Variants in DSG4 observed in about 807,000 individuals in gnomAD.
DSG4 encodes the protein desmoglein-4.
A neutral mutation model predicts 93.1 loss-of-function variants in DSG4; 87 were observed. The ratio of observed to expected loss-of-function variants is 0.93; its 90% CI spans 0.79 to 1.12. The LOEUF is 1.12. Ranked by LOEUF, DSG4 falls within the 50% of genes most tolerant of loss-of-function variation. The pLI, the probability that DSG4 is intolerant of heterozygous loss-of-function variation, is 0.00. For synonymous variants in DSG4, 432 were observed against 452.9 expected (o/e 0.95, Z 0.59); for missense variants, 1,373 against 1,285.7 (o/e 1.07, Z -1.04).
chr18:31,383,116 C>T (rs2072153380), intron 1 of DSG4, among the ~76,000 whole-genome samples: 1 of 152,204 alleles, frequency 6.6e-6, no homozygotes, highest in Non-Finnish European at 1.5e-5. Flanking sequence ...GAAGAAAACG[C>T]TTCTTTCTTT....
At chr18:31,400,705 A>T (rs1324703346) in intron 9 of DSG4, among the ~76,000 whole-genome samples, 176 bp from the exon 10 acceptor site, 2 of 152,312 alleles carry the variant, frequency 1.3e-5, no homozygotes, top group African/African-American at 4.8e-5. Flanking sequence ...CCTGTATATT[A>T]ATGTATATAT....
intron 8 of DSG4, 147 bp downstream of exon 8, chr18:31,392,487 A>G (rs1266315105): frequency 3.5e-6 from 3 of 863,718 alleles, no homozygotes; most frequent in Admixed American, 2.3e-5. Flanking sequence ...AGTAACTGCT[A>G]TGTCAGTCTG....
chr18:31,394,880 T>C (rs2072289401), intron 8 of DSG4, among the ~76,000 whole-genome samples: 1 of 152,174 alleles, frequency 6.6e-6, no homozygotes, highest in South Asian at 2.1e-4. Flanking sequence ...CTTACCTATG[T>C]TCTTATCATC....
At position 31,414,689 on chromosome 18, in the gene DSG4, G is replaced by A. The variant is rs1041111614; in HGVS notation, c.*1094G>A. On this transcript the variant is annotated 3_prime_UTR_variant, in exon 16 of 16. Coordinates refer to ENST00000308128, the MANE Select transcript of DSG4 (RefSeq NM_177986.5). ...ACCAACTACTTAAGTCCATTACCAA[G>A]TTGTGTTTCTCTTTGCAACACTACT... 1.4e-4 allele frequency: 21 copies of A among 152,136 alleles called. No individual in the cohort carries two copies. The highest frequency in any genetic ancestry group is 1.5e-5 in the Non-Finnish European group (1 of 67,998). The allele number at this position is 152,136 out of a possible 1,614,324, so 9.4% of individuals were successfully genotyped here. A position where few individuals can be genotyped will look rare whatever the true frequency, so the allele number is the denominator to read the frequency against.
At position 31,403,602 on chromosome 18, in the gene DSG4, T is replaced by C. The variant is rs7229252; in HGVS notation, c.1604T>C (p.Ile535Thr). ...TGTGTTGTTGATGAGCCACCAGGAA[T>C]AGCTGACATGTGGGATGTCAGATCA... Reference protein sequence around the residue: ...TFCVVDEPPGIADMWDVRSTN... With the variant: ...TFCVVDEPPGTADMWDVRSTN... The change falls in exon 11 of 16, where the codon ATA (isoleucine) becomes ACA (threonine). Residue 535 changes from isoleucine to threonine, a missense_variant. By Grantham distance (89) the Ile-to-Thr change is moderately conservative. Coordinates refer to ENST00000308128, the MANE Select transcript of DSG4 (RefSeq NM_177986.5). The C allele has an allele frequency of 3.7e-3, 5,917 of 1,614,036 alleles. 166 individuals are homozygous for C. In the African/African-American group the frequency reaches 0.062, roughly 17 times the overall value.
intron 1 of DSG4, among the ~76,000 whole-genome samples, chr18:31,384,420 T>C (rs1250877582): frequency 6.6e-6 from 1 of 152,140 alleles, no homozygotes; most frequent in African/African-American, 2.4e-5. Context: ...TACAGACAAG[T>C]ATGCTAGGCT....
At position 31,411,309 on chromosome 18, in the gene DSG4, G is replaced by A. The variant is rs1424462173; in HGVS notation, c.2216G>A (p.Gly739Glu). ...VSGVELNTGM[G>E]TAVGLMAAGA... ...GGAGTGGAGCTCAACACAGGTATGG[G>A]GACAGCCGTTGGCCTCATGGCCGCA... Residue 739 changes from glycine (G) to glutamate (E), a missense_variant, in exon 15 of 16, where the codon GGG (glycine) becomes GAG (glutamate). Transcript: ENST00000308128. 1.9e-6 allele frequency: 3 copies of A among 1,612,480 alleles called. No homozygotes were observed. The highest frequency in any genetic ancestry group is 2.5e-6 in the Non-Finnish European group (3 of 1,179,998).
At chr18:31,398,984 T>C (rs1043710525) in intron 8 of DSG4, among the ~76,000 whole-genome samples, 1 of 152,192 alleles carries the variant, frequency 6.6e-6, no homozygotes, top group African/African-American at 2.4e-5. Flanking sequence ...AAAATAATCG[T>C]TTTTCATTTC....
chr18:31,392,817 A>C (rs908639577), intron 8 of DSG4, among the ~76,000 whole-genome samples: 1 of 152,148 alleles, frequency 6.6e-6, no homozygotes, highest in African/African-American at 2.4e-5. Flanking sequence ...GGGTAATAAA[A>C]TAAACAAACA....
rs774355741 is a variant in DSG4, at chr18:31,399,516, A to G, written c.1250A>G (p.Asp417Gly). Residue 417 changes from aspartate to glycine, a missense_variant, in exon 9 of 16, where the codon GAC (aspartate) becomes GGC (glycine). Coordinates refer to ENST00000308128, the MANE Select transcript of DSG4 (RefSeq NM_177986.5). The part of the protein sequence containing the change: ...VLGTYTAIDL[D>G]TGNPATDVRY... The stretch of plus-strand genomic sequence containing the variant: ...GGCACATATACAGCCATAGATTTGG[A>G]CACAGGAAACCCTGCAACAGATGTC... 2 of 1,614,016 alleles carry G rather than the reference A, an allele frequency of 1.2e-6. No individual in the cohort carries two copies. The highest frequency in any genetic ancestry group is 2.2e-5 in the South Asian group (2 of 91,084).
intron 1 of DSG4, among the ~76,000 whole-genome samples, chr18:31,384,033 T>C (rs2072162703): frequency 6.6e-6 from 1 of 152,180 alleles, no homozygotes; most frequent in South Asian, 2.1e-4. Context: ...ATGACTCTGC[T>C]ACCAGAAAAA....
chr18:31,405,201 C>T (rs1057361223), intron 11 of DSG4, among the ~76,000 whole-genome samples: 8 of 152,208 alleles, frequency 5.3e-5, no homozygotes, highest in Non-Finnish European at 1.0e-4. Context: ...ATCATCTCAA[C>T]ACTCCTTGTA....
At chr18:31,409,835 C>A (rs2072467247) in intron 14 of DSG4, 27 bp downstream of exon 14, 1 of 1,613,596 alleles carries the variant, frequency 6.2e-7, no homozygotes, top group Non-Finnish European at 8.5e-7. Flanking sequence ...ATCTGTTTTT[C>A]CTTTTAAATT....
intron 8 of DSG4, 109 bp from the exon 9 acceptor site, chr18:31,399,163 G>C (rs913936354): frequency 1.4e-6 from 2 of 1,397,752 alleles, no homozygotes. Flanking sequence ...TCTAAACAGC[G>C]TATCTCCTGG....
chr18:31,388,898 C>G lies in DSG4; in HGVS notation c.397C>G (p.Arg133Gly), dbSNP rs773793326. 1.2e-6 allele frequency: 2 copies of G among 1,613,370 alleles called. No homozygotes were observed. The highest frequency in any genetic ancestry group is 1.1e-5 in the South Asian group (1 of 91,060). The change falls in exon 5 of 16, where the codon CGG becomes GGG. Residue 133 changes from arginine to glycine, a missense_variant. Physicochemically the swap from Arg to Gly is moderately radical, Grantham distance 125 (BLOSUM62 -2). Coordinates refer to ENST00000308128, the MANE Select transcript of DSG4 (RefSeq NM_177986.5). ...GATCTATTGCCGGGCTCTGAATTCA[C>G]GGGGTGAAGATTTAGAAAGGCCTCT... ...FLIYCRALNS[R>G]GEDLERPLEL...
At chr18:31,385,105 T>G (rs1168198066) in intron 1 of DSG4, 31 bp from the exon 2 acceptor site, 2 of 1,589,110 alleles carry the variant, frequency 1.3e-6, no homozygotes, top group African/African-American at 2.7e-5. Context: ...TATGCAAATT[T>G]ATGCTAATGT....
chr18:31,401,537 T>G (rs1598747056), intron 10 of DSG4: 1 of 152,476 alleles, frequency 6.6e-6, no homozygotes, highest in African/African-American at 2.4e-5. Flanking sequence ...TTATTCCAAA[T>G]ATAAGATCCA....
chr18:31,392,253 A>G lies in DSG4; in HGVS notation c.918A>G (p.Gln306=). The G allele has an allele frequency of 6.2e-7, 1 of 1,613,832 alleles. No individual in the cohort carries two copies. Among genetic ancestry groups the G allele is most frequent in the Non-Finnish European group, 8.5e-7 (1 of 1,179,862 alleles). Residue 306 remains glutamine (Q), a synonymous_variant, in exon 8 of 16, where the codon CAA becomes CAG. Coordinates refer to ENST00000308128, the MANE Select transcript of DSG4 (RefSeq NM_177986.5). ...DEEGTDNWLA[Q]YLILSGNDGN... is the part of the protein sequence containing the mutation. ...AAGGCACTGATAACTGGTTGGCTCA[A>G]TATTTAATTCTCTCTGGAAATGATG...
chr18:31,388,449 T>C lies in DSG4; in HGVS notation c.299T>C (p.Phe100Ser). The C allele has an allele frequency of 1.2e-6, 2 of 1,613,632 alleles. No homozygotes were observed. Among genetic ancestry groups the C allele is most frequent in the Non-Finnish European group, 1.7e-6 (2 of 1,179,670 alleles). Residue 100 changes from phenylalanine (F) to serine (S), a missense_variant, in exon 4 of 16, where the codon TTC becomes TCC. Physicochemically the swap from Phe to Ser is radical, Grantham distance 155. Transcript: ENST00000308128. ...ATTGATCGACCACCATATGGGGTAT[T>C]CACCATTAATCCTCGCACTGGGGAA... ...VGIDRPPYGV[F>S]TINPRTGEIN...
Sources: gnomAD v4.1 joint callset for allele counts (sites outside exome capture counted in the v4.1 genomes callset) on GRCh38, gnomAD v4.1.1 for gene constraint, MANE v1.5 for transcripts, NCBI Gene and HGNC (gene_info 2026-07-23, HGNC 2026-07-21) for gene names.